Variants in NCK1 observed in about 807,000 individuals in gnomAD.
NCK1 encodes the protein NCK adaptor protein 1.
NCK1 carries 19 observed loss-of-function variants against 36.6 expected under a neutral mutation model. The observed-to-expected ratio is 0.52, with a 90% confidence interval of 0.36 to 0.76. The LOEUF is 0.76. NCK1 is among the 30% of genes least tolerant of loss of function. The pLI is 0.00. For missense variants in NCK1, 358 were observed against 445.6 expected (o/e 0.80, Z 1.77); for synonymous variants, 165 against 156.0 (o/e 1.06, Z -0.43).
At chr3:136,907,887 C>T (rs774267956) in intron 1 of NCK1, among the ~76,000 whole-genome samples, 6 of 152,148 alleles carry the variant, frequency 3.9e-5, no homozygotes, top group Admixed American at 3.3e-4. Context: ...ATATATGTGG[C>T]GTCAGCCTCA....
At chr3:136,890,078 G>A (rs542115417) in intron 1 of NCK1, among the ~76,000 whole-genome samples, 1 of 152,230 alleles carries the variant, frequency 6.6e-6, no homozygotes, top group Admixed American at 6.5e-5. Flanking sequence ...AGGCTCGGGC[G>A]GCACAGCAGC....
chr3:136,862,504 G>C (rs1465182840), intron 1 of NCK1, among the ~76,000 whole-genome samples, 151 bp downstream of exon 1: 2 of 151,164 alleles, frequency 1.3e-5, no homozygotes, highest in African/African-American at 4.9e-5. Flanking sequence ...CGAGCCGGAG[G>C]GGGCGCGGAG....
rs551272925 is a variant in NCK1 at position 136,865,118 on chromosome 3, T to C, written c.-19+2765T>C. The stretch of plus-strand genomic sequence containing the variant: ...GATTACAGGCGCCTGCCACCACGCC[T>C]GACTAATTTTTGTATTTTTAGTAGA... On this transcript the variant is annotated intron_variant, in intron 1 of 3. Transcript: ENST00000481752. Among the ~76,000 whole-genome samples the C allele has an allele frequency of 1.3e-5, 2 of 152,164 alleles. 1 individual carries two copies. The highest frequency in any genetic ancestry group is 1.3e-4 in the Admixed American group (2 of 15,282).
At chr3:136,877,746 C>G (rs1479298985) in intron 1 of NCK1, among the ~76,000 whole-genome samples, 1 of 152,122 alleles carries the variant, frequency 6.6e-6, no homozygotes, top group Non-Finnish European at 1.5e-5. Flanking sequence ...TAAAAATGTT[C>G]AATCCTAAGT....
chr3:136,884,718 C>CG (rs113846374), intron 1 of NCK1, among the ~76,000 whole-genome samples: 4 of 145,160 alleles, frequency 2.8e-5, no homozygotes, highest in African/African-American at 1.0e-4. Context: ...CATGCCTGAG[C>CG]TTTTTTTTTT....
At chr3:136,932,311 A>C (rs10935210) in intron 2 of NCK1, among the ~76,000 whole-genome samples, 8 of 151,740 alleles carry the variant, frequency 5.3e-5, no homozygotes, top group African/African-American at 1.9e-4. Flanking sequence ...AGCAACCCCA[A>C]ATTTTTATTT....
chr3:136,938,359 A>G (rs1207118252), intron 2 of NCK1, among the ~76,000 whole-genome samples: 1 of 152,154 alleles, frequency 6.6e-6, no homozygotes, highest in Non-Finnish European at 1.5e-5. Context: ...GCTAAAATTT[A>G]TTTATAAGCC....
chr3:136,924,762 C>T (rs145829518), intron 1 of NCK1, among the ~76,000 whole-genome samples: 3 of 152,282 alleles, frequency 2.0e-5, no homozygotes, highest in African/African-American at 2.4e-5. Context: ...TGGCTTAACC[C>T]ATTTGTGCCT....
intron 1 of NCK1, among the ~76,000 whole-genome samples, chr3:136,864,445 C>G (rs1042885672): frequency 6.6e-6 from 1 of 151,640 alleles, no homozygotes; most frequent in Non-Finnish European, 1.5e-5. Flanking sequence ...GAGCCAAGAT[C>G]GCCACTGCAC....
At chr3:136,947,699 T>C (rs527506079) in intron 3 of NCK1, among the ~76,000 whole-genome samples, 1 of 152,192 alleles carries the variant, frequency 6.6e-6, no homozygotes, top group East Asian at 1.9e-4. Flanking sequence ...CCATCTACCT[T>C]TCCACTCTGA....
intron 1 of NCK1, among the ~76,000 whole-genome samples, chr3:136,880,276 C>G (rs1420000298): frequency 6.6e-6 from 1 of 151,012 alleles, no homozygotes; most frequent in Non-Finnish European, 1.5e-5. Flanking sequence ...CAGAGCGAGA[C>G]TCCGTCTCAA....
intron 1 of NCK1, among the ~76,000 whole-genome samples, chr3:136,880,279 C>T (rs1285994026): frequency 2.0e-5 from 3 of 149,858 alleles, no homozygotes; most frequent in African/African-American, 7.4e-5. Context: ...AGCGAGACTC[C>T]GTCTCAAAAA....
In NCK1 at chr3:136,946,309, C is replaced by CGG; in HGVS notation, c.939+15_939+16dup. On this transcript the variant is annotated intron_variant, in intron 3 of 3. Transcript: ENST00000481752. ...AGTGAATCTTCGGTAAGTTGATTTT[C>CGG]GGAGGTAAATACAAATAGAGCTCTG... 1.3e-6 allele frequency: 2 copies of CGG among 1,584,924 alleles called. No individual in the cohort carries two copies. Among genetic ancestry groups the CGG allele is most frequent in the South Asian group, 2.3e-5 (2 of 88,334 alleles).
chr3:136,863,842 C>T, intron 1 of NCK1, among the ~76,000 whole-genome samples: 1 of 151,980 alleles, frequency 6.6e-6, no homozygotes. Flanking sequence ...TAGCTCAAAC[C>T]TGTAATCCCA....
intron 1 of NCK1, among the ~76,000 whole-genome samples, chr3:136,914,373 C>T (rs1000309465): frequency 8.5e-5 from 13 of 152,184 alleles, no homozygotes; most frequent in Non-Finnish European, 1.5e-4. Context: ...CTGGAACTTG[C>T]AAGCCTTAGA....
intron 3 of NCK1, chr3:136,947,183 CCTAATCCCTCAGAAAAG>C (rs1306996614): frequency 3.9e-5 from 6 of 152,034 alleles, no homozygotes; most frequent in African/African-American, 1.4e-4. Context: ...GGGGCCTGTG[CCTAATCCCTCAGAAAAG>C]CAGTTGGTTG....
chr3:136,890,865 C>T (rs1939224678), intron 1 of NCK1, among the ~76,000 whole-genome samples: 1 of 152,180 alleles, frequency 6.6e-6, no homozygotes, highest in Non-Finnish European at 1.5e-5. Context: ...AAACTCTGTA[C>T]CCATTAAACA....
chr3:136,916,318 C>T (rs546966947), intron 1 of NCK1, among the ~76,000 whole-genome samples: 7 of 152,236 alleles, frequency 4.6e-5, no homozygotes, highest in Admixed American at 1.3e-4. Context: ...GAAAAATTCT[C>T]AAATGTTATG....
intron 1 of NCK1, among the ~76,000 whole-genome samples, chr3:136,865,071 C>T (rs1190381490): frequency 6.6e-6 from 1 of 152,062 alleles, no homozygotes; most frequent in African/African-American, 2.4e-5. Flanking sequence ...CAATTCTCTG[C>T]CTCAGCCTCC....
Sources: gnomAD v4.1 joint callset for allele counts (sites outside exome capture counted in the v4.1 genomes callset) on GRCh38, gnomAD v4.1.1 for gene constraint, MANE v1.5 for transcripts, NCBI Gene and HGNC (gene_info 2026-07-23, HGNC 2026-07-21) for gene names.